Variants in RPL18 observed in about 807,000 individuals in gnomAD.
RPL18 encodes large ribosomal subunit protein eL18.
Under a neutral mutation model 25.0 loss-of-function variants are expected in RPL18, and 4 were observed. The observed-to-expected ratio is 0.16, with a 90% CI of 0.08 to 0.37. RPL18 has a LOEUF of 0.37. RPL18 is among the 10% of genes least tolerant of loss of function. The pLI, the probability that RPL18 is intolerant of heterozygous loss-of-function variation, is 1.00. For synonymous variants in RPL18, 129 were observed against 101.6 expected, an observed-to-expected ratio of 1.27 and a Z score of -1.62; for missense variants, 179 against 267.9, an observed-to-expected ratio of 0.67 and a Z score of 2.32.
intron 1 of RPL18, 91 bp downstream of exon 1, chr19:48,619,050 A>AC: frequency 7.2e-7 from 1 of 1,383,430 alleles, no homozygotes; most frequent in South Asian, 1.2e-5. Flanking sequence ...GCAGCCGCAG[A>AC]CCCCCTGCCG....
chr19:48,616,697 A>T (rs868139784), intron 4 of RPL18, 29 bp downstream of exon 4: 1 of 1,354,752 alleles, frequency 7.4e-7, no homozygotes, highest in Non-Finnish European at 1.0e-6. Flanking sequence ...CAAGGGTCTG[A>T]TGGGTCTGCC....
intron 2 of RPL18, 74 bp downstream of exon 2, chr19:48,617,717 C>A: frequency 8.5e-7 from 1 of 1,181,634 alleles, no homozygotes; most frequent in Non-Finnish European, 1.3e-6. Flanking sequence ...GAGCTTGGTG[C>A]CAGCACTAGA....
chr19:48,615,506 G>T, intron 6 of RPL18, 59 bp from the exon 7 acceptor site: 1 of 1,245,414 alleles, frequency 8.0e-7, no homozygotes, highest in Non-Finnish European at 1.2e-6. Flanking sequence ...TTGTGGAGTG[G>T]CACAGGAACA....
intron 4 of RPL18, 89 bp downstream of exon 4, chr19:48,616,637 G>A (rs1275855313): frequency 5.4e-6 from 4 of 744,500 alleles, no homozygotes; most frequent in South Asian, 1.8e-5. Context: ...CAAGACTGAG[G>A]ATGGACCAGC....
At position 48,616,187 on chromosome 19, in the gene RPL18, C is replaced by A; in HGVS notation, c.313G>T (p.Val105Leu). Reference sequence around the variant, plus strand: ...ATGCGGCTGCGGGCCCGGCTGGTCACGCGCAGTGCACATACCTGGTGGAGA... The same window carrying A: ...ATGCGGCTGCGGGCCCGGCTGGTCAAGCGCAGTGCACATACCTGGTGGAGA... ...VPKLKVCALR[V>L]TSRARSRILR... The change falls in exon 5 of 7, where the codon GTG becomes TTG. Residue 105 changes from valine to leucine, a missense_variant. Transcript: ENST00000549920. The A allele has an allele frequency of 1.2e-6, 2 of 1,613,824 alleles. No homozygotes were observed. The highest frequency in any genetic ancestry group is 1.7e-6 in the Non-Finnish European group (2 of 1,180,004).
chr19:48,616,680 A>C, intron 4 of RPL18, 46 bp downstream of exon 4: 5 of 1,276,044 alleles, frequency 3.9e-6, no homozygotes, highest in Non-Finnish European at 5.7e-6. Flanking sequence ...AGCACAGCAC[A>C]GTACAGCAAG....
chr19:48,617,612 C>G, intron 2 of RPL18, 179 bp downstream of exon 2: 1 of 685,002 alleles, frequency 1.5e-6, no homozygotes, highest in Non-Finnish European at 2.5e-6. Context: ...TGGCTCCACT[C>G]CCGAGCTGTA....
chr19:48,615,825 G>A (rs879165350), intron 6 of RPL18, 52 bp downstream of exon 6: 2 of 1,506,426 alleles, frequency 1.3e-6, no homozygotes, highest in South Asian at 1.2e-5. Context: ...GCCAGGCCTG[G>A]CCCTGCAGGC....
chr19:48,616,858 T>C (rs765798641), intron 3 of RPL18, 34 bp from the exon 4 acceptor site: 3 of 1,539,528 alleles, frequency 1.9e-6, no homozygotes, highest in Non-Finnish European at 1.8e-6. Context: ...CGTAAGTTGT[T>C]CTGGTGTTTA....
chr19:48,617,320 C>T lies in RPL18; in HGVS notation c.194G>A (p.Arg65Gln), dbSNP rs1285166361. ...RTNRPPLSLSRMIRKMKLPGR... is the reference protein window; with the variant it reads ...RTNRPPLSLSQMIRKMKLPGR... The stretch of plus-strand genomic sequence containing the variant: ...CTCTCTGGACCAGCCACTCACCATC[C>T]GGGAAAGGGACAGAGGCGGCCGGTT... Residue 65 changes from arginine (R) to glutamine (Q), a missense_variant, in exon 3 of 7, where the codon CGG becomes CAG. By Grantham distance (43) the Arg-to-Gln change is conservative (BLOSUM62 1). Coordinates refer to ENST00000549920, the MANE Select transcript of RPL18 (RefSeq NM_000979.4). The T allele has an allele frequency of 1.9e-6, 3 of 1,613,526 alleles. No homozygotes were observed. Among genetic ancestry groups the T allele is most frequent in the Non-Finnish European group, 2.5e-6 (3 of 1,179,596 alleles).
At chr19:48,616,966 C>A in intron 3 of RPL18, 142 bp from the exon 4 acceptor site, 1 of 723,410 alleles carries the variant, frequency 1.4e-6, no homozygotes, top group Non-Finnish European at 2.5e-6. Context: ...ACAGGCCTCT[C>A]CTCAGGTCCA....
At position 48,617,562 on chromosome 19, in the gene RPL18, G is replaced by A. The variant is rs1001216090; in HGVS notation, c.91-139C>T. The A allele has an allele frequency of 1.6e-5, 12 of 740,756 alleles. No homozygotes were observed. The African/African-American group carries it at 1.9e-4, about 12-fold the overall frequency. The allele number at this position is 740,756 out of a possible 1,614,324, so 45.9% of individuals were successfully genotyped here. ...CAACCCACCGACCTAGAGGGAGAAA[G>A]CTGGCCCAGGTCCTTCCTGGCCAAG... On this transcript the variant is annotated intron_variant, in intron 2 of 6. Coordinates refer to ENST00000549920, the MANE Select transcript of RPL18 (RefSeq NM_000979.4).
intron 1 of RPL18, 102 bp downstream of exon 1, chr19:48,619,039 G>A: frequency 7.8e-7 from 1 of 1,279,300 alleles, no homozygotes. Flanking sequence ...GCTCCCTCCG[G>A]GCAGCCGCAG....
chr19:48,615,369 G>A lies in RPL18; in HGVS notation c.*3C>T. On this transcript the variant is annotated 3_prime_UTR_variant, in exon 7 of 7. Coordinates refer to ENST00000549920, the MANE Select transcript of RPL18 (RefSeq NM_000979.4). ...CTTTTTAATAAGAGAGTAGGATCCA[G>A]GGTTAGTTTTTGTAGCCTCGGCTGG... 1 of 1,608,716 alleles carries A rather than the reference G, an allele frequency of 6.2e-7. No homozygotes were observed. The highest frequency in any genetic ancestry group is 1.1e-5 in the South Asian group (1 of 90,356).
intron 1 of RPL18, 196 bp from the exon 2 acceptor site, chr19:48,618,073 C>A (rs934256691): frequency 1.3e-5 from 7 of 525,398 alleles, no homozygotes; most frequent in East Asian, 1.3e-4. Context: ...GCCTTCAGCC[C>A]ATGGCACACA....
chr19:48,615,840 T>C (rs1276346859), intron 6 of RPL18, 37 bp downstream of exon 6: 1 of 1,563,826 alleles, frequency 6.4e-7, no homozygotes, highest in Non-Finnish European at 8.7e-7. Context: ...GCAGGCTGAG[T>C]CTGGGGAGAG....
At chr19:48,618,998 C>A in intron 1 of RPL18, 143 bp downstream of exon 1, 2 of 840,980 alleles carry the variant, frequency 2.4e-6, no homozygotes, top group Middle Eastern at 4.5e-4. Flanking sequence ...GCTTTCCTGG[C>A]CCCCAGAGTA....
intron 3 of RPL18, 187 bp from the exon 4 acceptor site, chr19:48,617,011 G>A: frequency 1.4e-6 from 1 of 702,030 alleles, no homozygotes; most frequent in South Asian, 1.5e-5. Context: ...AAAAAATGCA[G>A]ACTGTTCAAT....
chr19:48,616,852 A>C (rs1364329808), intron 3 of RPL18, 28 bp from the exon 4 acceptor site: 1 of 1,559,300 alleles, frequency 6.4e-7, no homozygotes, highest in Admixed American at 1.7e-5. Flanking sequence ...GTACGTCGTA[A>C]GTTGTTCTGG....
Sources: allele counts gnomAD v4.1 joint callset, GRCh38; gene constraint gnomAD v4.1.1; transcripts MANE v1.5; gene names NCBI Gene and HGNC (gene_info 2026-07-23, HGNC 2026-07-21).